CES5A: variants seen among roughly 807,000 people sequenced by gnomAD.
CES5A encodes carboxylesterase 5A.
A neutral mutation model predicts 62.9 loss-of-function variants in CES5A; 67 were observed. The observed-to-expected ratio is 1.07, with a 90% confidence interval of 0.88 to 1.31. CES5A has a LOEUF of 1.31. Ranked by LOEUF, CES5A falls within the 50% of genes most tolerant of loss-of-function variation. CES5A has a pLI of 0.00. For synonymous variants in CES5A, 296 were observed against 280.8 expected, an observed-to-expected ratio of 1.05 and a Z score of -0.54; for missense variants, 748 against 708.5, an observed-to-expected ratio of 1.06 and a Z score of -0.63.
At chr16:55,860,024 C>T (rs1330862704) in intron 7 of CES5A, among the ~76,000 whole-genome samples, 7 of 152,184 alleles carry the variant, frequency 4.6e-5, no homozygotes, top group Non-Finnish European at 8.8e-5. Flanking sequence ...ATAATTCCCA[C>T]ATGTTGTGGC....
intron 4 of CES5A, among the ~76,000 whole-genome samples, chr16:55,868,608 T>G (rs542797463): frequency 6.6e-6 from 1 of 152,324 alleles, no homozygotes; most frequent in African/African-American, 2.4e-5. Context: ...TTTTTGTCCC[T>G]GCATTATCTC....
At chr16:55,930,131 C>T (rs1204172421), upstream of CES5A, among the ~76,000 whole-genome samples, 1 of 152,134 alleles carries the variant, frequency 6.6e-6, no homozygotes, top group African/African-American at 2.4e-5. Context: ...ATTGAAAATA[C>T]TTCCTTATCC....
chr16:55,927,627 G>A (rs755156448), upstream of CES5A, among the ~76,000 whole-genome samples: 2 of 152,162 alleles, frequency 1.3e-5, no homozygotes, highest in Non-Finnish European at 2.9e-5. Flanking sequence ...ATAGATGTTG[G>A]TGTGGATGCA....
intron 1 of CES5A, among the ~76,000 whole-genome samples, chr16:55,911,122 T>C (rs1479439591): frequency 6.6e-6 from 1 of 152,200 alleles, no homozygotes; most frequent in Non-Finnish European, 1.5e-5. Context: ...GCATGAACTG[T>C]ACTAAGACAA....
At chr16:55,869,287 G>A (rs2033533442) in intron 4 of CES5A, among the ~76,000 whole-genome samples, 1 of 152,210 alleles carries the variant, frequency 6.6e-6, no homozygotes, top group Non-Finnish European at 1.5e-5. Context: ...CCCACCAAAT[G>A]CAGAAGATCG....
chr16:55,884,945 G>A (rs1359772098), intron 1 of CES5A, among the ~76,000 whole-genome samples: 2 of 152,086 alleles, frequency 1.3e-5, no homozygotes, highest in African/African-American at 4.8e-5. Context: ...CACATTTGTG[G>A]TGAAGTCTTC....
upstream of CES5A, among the ~76,000 whole-genome samples, chr16:55,926,684 A>G (rs2034260689): frequency 6.6e-6 from 1 of 152,228 alleles, no homozygotes; most frequent in Admixed American, 6.5e-5. Flanking sequence ...ATGCTGGAGA[A>G]GGACTCTCTG....
In CES5A at chr16:55,871,764, C is replaced by G. The variant is rs72810507; in HGVS notation, c.279-1G>C. 1 of 1,613,650 alleles carries G rather than the reference C, an allele frequency of 6.2e-7. No homozygotes were observed. Among genetic ancestry groups the G allele is most frequent in the South Asian group, 1.1e-5 (1 of 91,028 alleles). ...CAGCCACTCTGAGTTCTGGAGGCAC[C>G]TTGGAGAAGGAGAGGAGAAAACCCT... On this transcript the variant is annotated splice_acceptor_variant, in intron 2 of 12. Coordinates refer to ENST00000290567, the MANE Select transcript of CES5A (RefSeq NM_001143685.2). LOFTEE classifies it high-confidence loss of function.
At chr16:55,879,288 C>T (rs1171010147), upstream of CES5A, among the ~76,000 whole-genome samples, 1 of 150,004 alleles carries the variant, frequency 6.7e-6, no homozygotes, top group African/African-American at 2.5e-5. Context: ...TGCACCTCCA[C>T]CACTGCACCC....
chr16:55,909,335 A>C (rs1286410015), intron 1 of CES5A, among the ~76,000 whole-genome samples: 3 of 152,168 alleles, frequency 2.0e-5, no homozygotes, highest in African/African-American at 7.2e-5. Flanking sequence ...GATAAAAGTT[A>C]ATCTGCTAAC....
chr16:55,884,101 G>C (rs1162691235), intron 1 of CES5A, among the ~76,000 whole-genome samples: 2 of 152,216 alleles, frequency 1.3e-5, no homozygotes, highest in Non-Finnish European at 2.9e-5. Flanking sequence ...AAATTATCAT[G>C]GTATATACTT....
Position 55,855,910 on chromosome 16 carries a change from G to C in CES5A, c.1125+467C>G, listed in dbSNP as rs1293152422. Among the ~76,000 whole-genome samples the C allele has an allele frequency of 4.6e-5, 7 of 152,234 alleles. No homozygotes were observed. In the East Asian group the frequency reaches 1.4e-3, roughly 29 times the overall value. On this transcript the variant is annotated intron_variant, in intron 9 of 12. Transcript: ENST00000290567. ...GGGCCTGATGGGAGGTGATTGGATCGTAGGGGCAGTTTCTCATGAATGGTT... is the reference window on the plus strand; with the variant it reads ...GGGCCTGATGGGAGGTGATTGGATCCTAGGGGCAGTTTCTCATGAATGGTT...
At chr16:55,893,214 AC>A (rs1326867727) in intron 1 of CES5A, among the ~76,000 whole-genome samples, 3 of 152,210 alleles carry the variant, frequency 2.0e-5, no homozygotes, top group African/African-American at 7.2e-5. Flanking sequence ...GACATTTGAA[AC>A]CAGAGGTCAA....
In CES5A at chr16:55,937,425, T is replaced by A. The variant is rs1318727556; in HGVS notation, c.160+12360A>T. ...CAGGCTTACCTAAAGGCCTCCATCC[T>A]GAAGTGACATGTGACTTCCACTCAC... On this transcript the variant is annotated intron_variant, in intron 2 of 13. Transcript: ENST00000521992. Among the ~76,000 whole-genome samples the A allele has an allele frequency of 2.0e-5, 3 of 152,254 alleles. No individual in the cohort carries two copies. In the East Asian group the frequency reaches 5.8e-4, roughly 29 times the overall value.
At chr16:55,927,861 T>C (rs879369685), upstream of CES5A, among the ~76,000 whole-genome samples, 2 of 152,212 alleles carry the variant, frequency 1.3e-5, no homozygotes, top group Non-Finnish European at 2.9e-5. Flanking sequence ...TGCAAAGATA[T>C]GGAATTAACT....
chr16:55,876,133 T>C (rs1030529715), upstream of CES5A, among the ~76,000 whole-genome samples: 7 of 152,332 alleles, frequency 4.6e-5, no homozygotes, highest in Admixed American at 4.6e-4. Flanking sequence ...CTAGGACTTT[T>C]CCATGTACAT....
upstream of CES5A, among the ~76,000 whole-genome samples, chr16:55,926,015 A>C (rs112947604): frequency 8.0e-3 from 1,218 of 152,230 alleles, 16 homozygotes; most frequent in African/African-American, 0.024. Context: ...ATAAGTACAA[A>C]TATATGGTTT....
At chr16:55,882,971 A>C (rs2033777090) in intron 1 of CES5A, among the ~76,000 whole-genome samples, 1 of 152,178 alleles carries the variant, frequency 6.6e-6, no homozygotes, top group Admixed American at 6.5e-5. Context: ...GAGGCAGCTA[A>C]CCCTGTAACT....
At chr16:55,949,474 T>C (rs1166162207) in intron 2 of CES5A, among the ~76,000 whole-genome samples, 1 of 152,188 alleles carries the variant, frequency 6.6e-6, no homozygotes, top group Non-Finnish European at 1.5e-5. Context: ...TAGAAGCTGA[T>C]CTAGGTGGCA....
Sources: gnomAD v4.1 joint callset for allele counts (sites outside exome capture counted in the v4.1 genomes callset) on GRCh38, gnomAD v4.1.1 for gene constraint, MANE v1.5 for transcripts, NCBI Gene and HGNC (gene_info 2026-07-23, HGNC 2026-07-21) for gene names.